Variants in SPTBN1 observed in about 807,000 individuals in gnomAD.
SPTBN1 encodes spectrin beta chain, non-erythrocytic 1.
SPTBN1 carries 32 observed loss-of-function variants against 266.4 expected under a neutral mutation model. The observed-to-expected ratio is 0.12, with a 90% CI of 0.09 to 0.16. The LOEUF (loss-of-function observed/expected upper bound fraction) is 0.16, where lower values mean the gene tolerates loss of function less well. SPTBN1 is among the 10% of genes least tolerant of loss of function. The pLI is 1.00. For missense variants in SPTBN1, 2,296 were observed against 3,067.1 expected (o/e 0.75, Z 5.94); for synonymous variants, 1,336 against 1,162.2 (o/e 1.15, Z -3.04).
At chr2:54,482,240 C>T (rs543199781) in intron 1 of SPTBN1, among the ~76,000 whole-genome samples, 1 of 152,006 alleles carries the variant, frequency 6.6e-6, no homozygotes, top group South Asian at 2.1e-4. Flanking sequence ...GTCAGCCGGG[C>T]ATGGTGGCTC....
intron 3 of SPTBN1, among the ~76,000 whole-genome samples, chr2:54,604,478 G>A (rs927119625): frequency 7.2e-5 from 11 of 152,058 alleles, no homozygotes; most frequent in African/African-American, 2.7e-4. Flanking sequence ...CTCAAGGCTG[G>A]GCAGGCAGGT....
intron 1 of SPTBN1, among the ~76,000 whole-genome samples, chr2:54,483,326 T>G (rs1381958319): frequency 3.9e-5 from 6 of 152,204 alleles, no homozygotes; most frequent in Non-Finnish European, 5.9e-5. Context: ...ATCAATTATG[T>G]TCCATGTTTG....
At chr2:54,622,625 G>A (rs1402236370) in intron 9 of SPTBN1, 138 bp downstream of exon 9, 2 of 998,844 alleles carry the variant, frequency 2.0e-6, no homozygotes, top group Non-Finnish European at 2.9e-6. Context: ...CTTTTCATCT[G>A]ACTCTGTTTT....
intron 26 of SPTBN1, among the ~76,000 whole-genome samples, chr2:54,652,027 A>T (rs762884451): frequency 2.6e-4 from 39 of 151,854 alleles, no homozygotes; most frequent in Non-Finnish European, 4.7e-4. Context: ...TACCCCACTT[A>T]GCATTTCTCC....
chr2:54,462,165 A>T lies in SPTBN1; in HGVS notation c.-48+5647A>T, dbSNP rs565528824. Among the ~76,000 whole-genome samples the T allele has an allele frequency of 1.9e-4, 29 of 152,344 alleles. No homozygotes were observed. In the East Asian group the frequency reaches 5.4e-3, roughly 28 times the overall value. On this transcript the variant is annotated intron_variant, in intron 1 of 35. Coordinates refer to ENST00000356805, the MANE Select transcript of SPTBN1 (RefSeq NM_003128.3). ...TCTCTTAGTTATGATACAGCAGTGT[A>T]CAGTTCCAGGCACATAGTACGTATT...
intron 32 of SPTBN1, chr2:54,661,004 T>C (rs1022203360): frequency 4.1e-6 from 4 of 985,322 alleles, no homozygotes; most frequent in African/African-American, 3.5e-5. Context: ...TCCTGATTAC[T>C]TGAACGTTGC....
At chr2:54,634,165 G>A (rs1291535639) in intron 17 of SPTBN1, among the ~76,000 whole-genome samples, 3 of 152,190 alleles carry the variant, frequency 2.0e-5, no homozygotes, top group Non-Finnish European at 4.4e-5. Context: ...CCTGCAGGCG[G>A]GCTTGGCTGT....
intron 1 of SPTBN1, among the ~76,000 whole-genome samples, chr2:54,484,622 T>A (rs1187206257): frequency 6.6e-6 from 1 of 152,198 alleles, no homozygotes; most frequent in East Asian, 1.9e-4. Flanking sequence ...TGGTAACTCT[T>A]CAGGGTGCCA....
Position 54,554,919 on chromosome 2 carries a change from GTCCTCC to G in SPTBN1, c.148+28364_148+28369del, listed in dbSNP as rs992626565. The stretch of plus-strand genomic sequence containing the variant: ...GTCTCATCTTCATAGCTTCTTCTTC[GTCCTCC>G]TCCTCCTCCTTTCTCGTTATTTTCT... On this transcript the variant is annotated intron_variant, in intron 2 of 35. Transcript: ENST00000356805. The surrounding 1 kb of genome is among the most constrained non-coding windows in gnomAD (Gnocchi z 4.5). Among the ~76,000 whole-genome samples the G allele has an allele frequency of 6.6e-6, 1 of 152,000 alleles. No individual in the cohort carries two copies. Among genetic ancestry groups the G allele is most frequent in the Non-Finnish European group, 1.5e-5 (1 of 67,992 alleles).
Position 54,626,284 on chromosome 2 carries a change from C to G in SPTBN1, c.1644+50C>G. On this transcript the variant is annotated intron_variant, in intron 12 of 35. Coordinates refer to ENST00000356805, the MANE Select transcript of SPTBN1 (RefSeq NM_003128.3). The surrounding 1 kb of genome is among the most constrained non-coding windows in gnomAD (Gnocchi z 4.7). The stretch of plus-strand genomic sequence containing the variant: ...CGACAGAGCTGATCCAACCAGGGCT[C>G]TCTTTTCTGTGACTCATTCACTAAA... 2 of 1,560,398 alleles carry G rather than the reference C, an allele frequency of 1.3e-6. No homozygotes were observed. The highest frequency in any genetic ancestry group is 1.4e-5 in the African/African-American group (1 of 73,634).
chr2:54,499,351 G>A (rs1014554000), intron 1 of SPTBN1, among the ~76,000 whole-genome samples: 1 of 152,056 alleles, frequency 6.6e-6, no homozygotes, highest in African/African-American at 2.4e-5. Context: ...CATACCACCC[G>A]ATGCAGTTTG....
rs1303371380 is a variant in SPTBN1, at chr2:54,617,786, G to GTCT, written c.647+99_647+101dup. ...CTTTTCCATATCCGTTGGCTTAACT[G>GTCT]TCTCACCGTGGTGGAAATTTCTGCA... On this transcript the variant is annotated intron_variant, in intron 6 of 35. Transcript: ENST00000356805. The GTCT allele has an allele frequency of 5.9e-6, 7 of 1,190,798 alleles. No individual in the cohort carries two copies. In the East Asian group the frequency reaches 1.7e-4, roughly 29 times the overall value. 73.8% of individuals were successfully genotyped at this position (1,190,798 alleles called of 1,614,324 possible).
chr2:54,472,249 G>A (rs557724652), intron 1 of SPTBN1, among the ~76,000 whole-genome samples: 3 of 152,014 alleles, frequency 2.0e-5, no homozygotes, highest in Non-Finnish European at 2.9e-5. Context: ...GGATGGTCTC[G>A]ATCTCTTGAC....
At position 54,664,475 on chromosome 2, in the gene SPTBN1, G is replaced by A; in HGVS notation, c.6443G>A (p.Ser2148Asn). 2 of 1,613,086 alleles carry A rather than the reference G, an allele frequency of 1.2e-6. No individual in the cohort carries two copies. Among genetic ancestry groups the A allele is most frequent in the African/African-American group, 1.3e-5 (1 of 75,020 alleles). Residue 2148 changes from serine to asparagine, a missense_variant, in exon 33 of 36, where the codon AGC (serine) becomes AAC (asparagine). Coordinates refer to ENST00000356805, the MANE Select transcript of SPTBN1 (RefSeq NM_003128.3). This position sits in a 1 kb window ranked among gnomAD's most constrained non-coding sequence, Gnocchi z 5.6. ...TAGATGGCAGAAACGGTGGACACAA[G>A]CGAAATGGTCAACGGCGCTACAGAA... ...SPRMAETVDT[S>N]EMVNGATEQR... is the part of the protein sequence containing the mutation.
intron 1 of SPTBN1, among the ~76,000 whole-genome samples, chr2:54,497,507 C>T (rs1669032564): frequency 5.9e-5 from 9 of 152,104 alleles, no homozygotes; most frequent in Admixed American, 2.0e-4. Context: ...CATACTTTAC[C>T]TATGTTTGGT....
rs1039789457 is a variant in SPTBN1, at chr2:54,558,514, G to A, written c.148+31948G>A. The A allele has an allele frequency of 6.5e-6, 8 of 1,231,002 alleles. No homozygotes were observed. In the African/African-American group the frequency reaches 9.4e-5, roughly 14 times the overall value. 76.3% of individuals were successfully genotyped at this position (1,231,002 alleles called of 1,614,324 possible). A position where few individuals can be genotyped will look rare whatever the true frequency, so the allele number is the denominator to read the frequency against. ...CCTCTCTGCTTCTCCCTCCTCCTCA[G>A]TAATTTATTTCGAGCTTCCAGGCAA... On this transcript the variant is annotated intron_variant, in intron 2 of 35. Coordinates refer to ENST00000356805, the MANE Select transcript of SPTBN1 (RefSeq NM_003128.3). The surrounding 1 kb of genome is among the most constrained non-coding windows in gnomAD (Gnocchi z 4.6).
chr2:54,526,413 T>C lies in SPTBN1; in HGVS notation c.-6T>C. 1 of 1,613,900 alleles carries C rather than the reference T, an allele frequency of 6.2e-7. No homozygotes were observed. The highest frequency in any genetic ancestry group is 8.5e-7 in the Non-Finnish European group (1 of 1,179,926). ...TGATGTGGAGGAGCAGCTGAGACAG[T>C]TCAAGATGACGACCACAGTAGCCAC... On this transcript the variant is annotated 5_prime_UTR_variant, in exon 2 of 36. Transcript: ENST00000356805.
intron 18 of SPTBN1, among the ~76,000 whole-genome samples, chr2:54,639,930 C>T (rs568949722): frequency 6.6e-6 from 1 of 152,280 alleles, no homozygotes; most frequent in South Asian, 2.1e-4. Context: ...TTTATCCTGT[C>T]TTCCCTTGTC....
Position 54,657,953 on chromosome 2 carries a change from C to T in SPTBN1, c.6150C>T (p.Asp2050=), listed in dbSNP as rs768876446. The T allele has an allele frequency of 1.5e-5, 25 of 1,614,204 alleles. No individual in the cohort carries two copies. Among genetic ancestry groups the T allele is most frequent in the South Asian group, 1.3e-4 (12 of 91,086 alleles). Residue 2050 remains aspartate, a synonymous_variant, in exon 30 of 36, where the codon GAC becomes GAT. Coordinates refer to ENST00000356805, the MANE Select transcript of SPTBN1 (RefSeq NM_003128.3). ...LSSREIGQSV[D]EVEKLIKRHE... ...GCCGAGAGATAGGCCAGAGCGTGGACGAGGTGGAGAAGCTCATCAAGCGCC... is the reference window on the plus strand; with the variant it reads ...GCCGAGAGATAGGCCAGAGCGTGGATGAGGTGGAGAAGCTCATCAAGCGCC...
Sources: allele counts gnomAD v4.1 joint callset (sites outside exome capture counted in the v4.1 genomes callset), GRCh38; gene constraint gnomAD v4.1.1; non-coding constraint Gnocchi (gnomAD v3.1); transcripts MANE v1.5; gene names NCBI Gene and HGNC (gene_info 2026-07-23, HGNC 2026-07-21).